The following STXBP5L variants were observed in gnomAD, a reference collection of about 807,000 sequenced individuals.
The protein encoded by STXBP5L is syntaxin-binding protein 5-like.
STXBP5L carries 65 observed loss-of-function variants against 144.5 expected under a neutral mutation model. That is an observed-to-expected ratio of 0.45 (90% CI 0.37 to 0.55). The LOEUF is 0.55. Among genes scored for constraint, STXBP5L ranks in the 20% least tolerant of loss-of-function variants. STXBP5L has a pLI of 0.00. For missense variants in STXBP5L, 1,298 were observed against 1,405.5 expected (o/e 0.92, Z 1.22); for synonymous variants, 505 against 469.6 (o/e 1.08, Z -0.97).
intron 5 of STXBP5L, among the ~76,000 whole-genome samples, chr3:121,072,794 C>A (rs2041860778): frequency 6.6e-6 from 1 of 152,202 alleles, no homozygotes; most frequent in Non-Finnish European, 1.5e-5. Context: ...TCTTTTGGAG[C>A]CCATACGGCT....
chr3:121,002,644 C>G (rs1222708436), intron 3 of STXBP5L, among the ~76,000 whole-genome samples: 2 of 151,954 alleles, frequency 1.3e-5, no homozygotes, highest in Non-Finnish European at 2.9e-5. Flanking sequence ...ACTATATTTT[C>G]TTTTAAGAGA....
chr3:121,352,077 T>G lies in STXBP5L; in HGVS notation c.2177-26639T>G, dbSNP rs371145660. Among the ~76,000 whole-genome samples the G allele has an allele frequency of 1.8e-4, 28 of 152,148 alleles. No homozygotes were observed. In the East Asian group the frequency reaches 3.5e-3, roughly 19 times the overall value. On this transcript the variant is annotated intron_variant, in intron 20 of 26. Transcript: ENST00000471454. ...TTGGTACCAGTACCATGCTGTTTTG[T>G]TTACTGTAGCCTTGTAGTATAGTTT...
intron 3 of STXBP5L, among the ~76,000 whole-genome samples, chr3:121,035,725 T>C (rs937385708): frequency 7.2e-5 from 11 of 152,182 alleles, no homozygotes; most frequent in African/African-American, 2.7e-4. Flanking sequence ...TTAAGATTTT[T>C]TCTAATTCTG....
chr3:121,003,592 A>T (rs1034440490), intron 3 of STXBP5L, among the ~76,000 whole-genome samples: 2 of 152,134 alleles, frequency 1.3e-5, no homozygotes, highest in South Asian at 4.1e-4. Context: ...TTTTGTTGCC[A>T]TTGCTTTTGG....
At chr3:121,010,755 G>C (rs571070464) in intron 3 of STXBP5L, among the ~76,000 whole-genome samples, 2 of 151,880 alleles carry the variant, frequency 1.3e-5, no homozygotes, top group East Asian at 3.9e-4. Context: ...CTAGAGAAAG[G>C]AAAATATTAA....
chr3:121,102,133 T>G, intron 5 of STXBP5L, among the ~76,000 whole-genome samples: 1 of 152,236 alleles, frequency 6.6e-6, no homozygotes, highest in Middle Eastern at 3.4e-3. Flanking sequence ...ATGGCCATAC[T>G]TCCCAAAGCA....
At chr3:121,021,170 AG>A (rs1334599199) in intron 3 of STXBP5L, among the ~76,000 whole-genome samples, 2 of 152,160 alleles carry the variant, frequency 1.3e-5, no homozygotes, top group African/African-American at 4.8e-5. Context: ...GTTAAAAAAG[AG>A]GGGCATTGTA....
At chr3:121,350,489 A>G (rs952740142) in intron 20 of STXBP5L, among the ~76,000 whole-genome samples, 3 of 151,964 alleles carry the variant, frequency 2.0e-5, no homozygotes, top group Admixed American at 2.0e-4. Context: ...GTATTTCTTG[A>G]ATTTGAATAT....
At chr3:121,212,041 G>A (rs150104141) in intron 10 of STXBP5L, among the ~76,000 whole-genome samples, 64 of 152,044 alleles carry the variant, frequency 4.2e-4, no homozygotes, top group African/African-American at 1.1e-3. Context: ...CATATACTTC[G>A]CCAACTTTTA....
At chr3:121,358,631 A>T (rs1487540915) in intron 20 of STXBP5L, among the ~76,000 whole-genome samples, 1 of 152,170 alleles carries the variant, frequency 6.6e-6, no homozygotes, top group Non-Finnish European at 1.5e-5. Flanking sequence ...ATTACACTTC[A>T]ACATGAGATT....
intron 5 of STXBP5L, among the ~76,000 whole-genome samples, chr3:121,077,788 G>A (rs1231136995): frequency 2.0e-5 from 3 of 152,034 alleles, no homozygotes; most frequent in Non-Finnish European, 2.9e-5. Flanking sequence ...CAACACAAAG[G>A]TTCTCCAAGT....
intron 5 of STXBP5L, among the ~76,000 whole-genome samples, chr3:121,078,768 C>G (rs1419475750): frequency 6.6e-6 from 1 of 152,274 alleles, no homozygotes; most frequent in Non-Finnish European, 1.5e-5. Flanking sequence ...CTGGGGGACC[C>G]AGTACACCCT....
chr3:121,046,456 C>A (rs993160122), intron 5 of STXBP5L, among the ~76,000 whole-genome samples: 1 of 152,050 alleles, frequency 6.6e-6, no homozygotes, highest in Non-Finnish European at 1.5e-5. Flanking sequence ...CTTTATGCAT[C>A]TGGTGGAATT....
intron 3 of STXBP5L, among the ~76,000 whole-genome samples, chr3:121,003,884 AG>A (rs1944011502): frequency 6.6e-6 from 1 of 152,094 alleles, no homozygotes; most frequent in Admixed American, 6.5e-5. Context: ...ATTATTTCTG[AG>A]GGCTCTGTTC....
At chr3:121,238,674 T>A (rs1478680921) in intron 12 of STXBP5L, among the ~76,000 whole-genome samples, 1 of 152,168 alleles carries the variant, frequency 6.6e-6, no homozygotes, top group African/African-American at 2.4e-5. Context: ...ATATAATAGT[T>A]TCAGATTAAT....
In STXBP5L at chr3:121,205,963, A is replaced by G. The variant is rs761532194; in HGVS notation, c.918A>G (p.Lys306=). The change falls in exon 10 of 27, where the codon AAA becomes AAG. Residue 306 remains lysine (K), a synonymous_variant. Coordinates refer to ENST00000471454, the MANE Select transcript of STXBP5L (RefSeq NM_001308330.2). ...QREGRKSESC[K]PILKVEYKTC... ...AAGGAAGAAAATCTGAATCTTGTAA[A>G]CCAATTCTTAAAGTAGAATACAAGA... is the stretch of plus-strand genomic sequence containing the variant. The G allele has an allele frequency of 5.9e-6, 9 of 1,520,184 alleles. No homozygotes were observed. Among genetic ancestry groups the G allele is most frequent in the Non-Finnish European group, 7.9e-6 (9 of 1,139,614 alleles). The allele number at this position is 1,520,184 out of a possible 1,614,324, so 94.2% of individuals were successfully genotyped here.
chr3:121,221,690 G>C (rs1301674469), intron 10 of STXBP5L, among the ~76,000 whole-genome samples: 1 of 151,502 alleles, frequency 6.6e-6, no homozygotes, highest in Non-Finnish European at 1.5e-5. Flanking sequence ...CCATTAGTAG[G>C]TTGGTCATTT....
chr3:121,340,901 A>G (rs1490367134), intron 20 of STXBP5L, among the ~76,000 whole-genome samples: 1 of 152,276 alleles, frequency 6.6e-6, no homozygotes, highest in Admixed American at 6.6e-5. Context: ...TCTCTTTGCT[A>G]GCTTGTTTAT....
chr3:120,927,334 A>G (rs939720473), intron 2 of STXBP5L, among the ~76,000 whole-genome samples: 10 of 152,224 alleles, frequency 6.6e-5, no homozygotes, highest in African/African-American at 1.9e-4. Context: ...TTCCTATAGC[A>G]TGATACTGCT....
Sources: gnomAD v4.1 joint callset for allele counts (sites outside exome capture counted in the v4.1 genomes callset) on GRCh38, gnomAD v4.1.1 for gene constraint, MANE v1.5 for transcripts, NCBI Gene and HGNC (gene_info 2026-07-23, HGNC 2026-07-21) for gene names.